GSN: variants seen among roughly 807,000 people sequenced by gnomAD.
GSN encodes the protein actin-depolymerizing factor.
In GSN, 56 loss-of-function variants were observed where a neutral mutation model predicts 85.7. The observed-to-expected ratio is 0.65, with a 90% confidence interval of 0.53 to 0.82. The LOEUF (loss-of-function observed/expected upper bound fraction) is 0.82, where lower values mean the gene tolerates loss of function less well. Among genes scored for constraint, GSN ranks in the 40% least tolerant of loss-of-function variants. GSN has a pLI of 0.00. For synonymous variants in GSN, 373 were observed against 399.1 expected, an observed-to-expected ratio of 0.93 and a Z score of 0.78; for missense variants, 857 against 979.8, an observed-to-expected ratio of 0.87 and a Z score of 1.67.
chr9:121,310,739 A>G lies in GSN; in HGVS notation c.407A>G (p.Gln136Arg). Residue 136 changes from glutamine (Q) to arginine (R), a missense_variant, in exon 5 of 18, where the codon CAG becomes CGG. By Grantham distance (43) the Gln-to-Arg change is conservative (BLOSUM62 1). Transcript: ENST00000432226. The stretch of plus-strand genomic sequence containing the variant: ...GTGGTACCCAACGAGGTGGTGGTGC[A>G]GAGACTCTTCCAGGTCAAAGGGCGG... ...KHVVPNEVVV[Q>R]RLFQVKGRRV... 6.2e-7 allele frequency: 1 copy of G among 1,614,156 alleles called. No individual in the cohort carries two copies. Among genetic ancestry groups the G allele is most frequent in the South Asian group, 1.1e-5 (1 of 91,072 alleles).
rs1306754933 is a variant in GSN at position 121,297,141 on chromosome 9, T to C, written c.-9-4822T>C. ...TGTTTGAATTTTCCAAATTGTCTAA[T>C]GAGCAGGCATCACTATAAGCATATT... On this transcript the variant is annotated intron_variant, in intron 2 of 17. Coordinates refer to ENST00000432226, the MANE Select transcript of GSN (RefSeq NM_198252.3). Among the ~76,000 whole-genome samples, 4 of 152,258 alleles carry C rather than the reference T, an allele frequency of 2.6e-5. No homozygotes were observed. In the East Asian group the frequency reaches 5.8e-4, roughly 22 times the overall value.
At chr9:121,236,714 A>G (rs2054500898) in intron 5 of GSN, among the ~76,000 whole-genome samples, 1 of 152,230 alleles carries the variant, frequency 6.6e-6, no homozygotes, top group African/African-American at 2.4e-5. Flanking sequence ...GCACAACTGC[A>G]TAGAAGACAG....
rs1015674393 is a variant in GSN at position 121,329,208 on chromosome 9, T to A, written c.1888-30T>A. 6.4e-7 allele frequency: 1 copy of A among 1,555,106 alleles called. No individual in the cohort carries two copies. Among genetic ancestry groups the A allele is most frequent in the Admixed American group, 1.7e-5 (1 of 59,964 alleles). On this transcript the variant is annotated intron_variant, in intron 15 of 17. Transcript: ENST00000432226. This position sits in a 1 kb window ranked among gnomAD's most constrained non-coding sequence, Gnocchi z 4.6. ...AAGGCCACCCAGGGGAGGGAAGACA[T>A]CTCACTGATGCTCTTTCGTTCCTTC...
intron 6 of GSN, among the ~76,000 whole-genome samples, chr9:121,250,537 G>A (rs1434872264): frequency 7.0e-6 from 1 of 143,330 alleles, no homozygotes; most frequent in African/African-American, 3.0e-5. Flanking sequence ...CACCTGTTTG[G>A]TGTGTGTGTG....
At chr9:121,315,112 C>T (rs766551908) in intron 7 of GSN, among the ~76,000 whole-genome samples, 7 of 152,184 alleles carry the variant, frequency 4.6e-5, no homozygotes, top group Admixed American at 6.5e-5. Context: ...CTGCCCACCT[C>T]AGCCTCCCAA....
At chr9:121,283,621 A>T (rs909894975) in intron 2 of GSN, 1 of 167,048 alleles carries the variant, frequency 6.0e-6, no homozygotes, top group Non-Finnish European at 1.5e-5. Context: ...TTCCTGCCTC[A>T]GTGTTCCCTA....
chr9:121,295,449 A>G (rs1397549685), intron 2 of GSN, among the ~76,000 whole-genome samples: 7 of 152,186 alleles, frequency 4.6e-5, no homozygotes, highest in Admixed American at 4.6e-4. Flanking sequence ...AGGGCTTTCC[A>G]TGAGTGGCTG....
chr9:121,286,933 A>G (rs2058160876), intron 2 of GSN, among the ~76,000 whole-genome samples: 1 of 152,220 alleles, frequency 6.6e-6, no homozygotes, highest in African/African-American at 2.4e-5. Context: ...ATTCAACAAG[A>G]CAATGCTTAT....
chr9:121,271,803 A>G (rs2056015410), intron 1 of GSN, among the ~76,000 whole-genome samples: 2 of 152,150 alleles, frequency 1.3e-5, no homozygotes, highest in Non-Finnish European at 2.9e-5. Flanking sequence ...TCTCCCCTCC[A>G]TTTCAGGGAA....
rs1460940265 is a variant in GSN, at chr9:121,326,651, C to T, written c.1556C>T (p.Ala519Val). 1.2e-6 allele frequency: 2 copies of T among 1,608,590 alleles called. No homozygotes were observed. The highest frequency in any genetic ancestry group is 1.7e-6 in the Non-Finnish European group (2 of 1,177,354). ...AGCACCCGCCTCTTCCAGGTCCGCG[C>T]CAACAGCGCTGGAGCCACCCGGGCT... ...PASTRLFQVR[A>V]NSAGATRAVE... The change falls in exon 13 of 18, where the codon GCC becomes GTC. Residue 519 changes from alanine to valine, a missense_variant. Ala to Val is a moderately conservative substitution (Grantham distance 64). Transcript: ENST00000432226.
chr9:121,208,560 C>T (rs559121510), intron 1 of GSN, among the ~76,000 whole-genome samples: 44 of 152,290 alleles, frequency 2.9e-4, no homozygotes, highest in Non-Finnish European at 4.7e-4. Context: ...AATCATGCTT[C>T]TATATCATGG....
intron 1 of GSN, among the ~76,000 whole-genome samples, chr9:121,278,960 G>GTTGTGCACGTGCACGTATGTT (rs1225083866): frequency 6.6e-6 from 1 of 152,246 alleles, no homozygotes; most frequent in African/African-American, 2.4e-5. Flanking sequence ...GCACGTATGT[G>GTTGTGCACGTGCACGTATGTT]TTACACACGT....
At chr9:121,316,495 G>A (rs1589109982) in intron 7 of GSN, among the ~76,000 whole-genome samples, 1 of 152,082 alleles carries the variant, frequency 6.6e-6, no homozygotes, top group Middle Eastern at 3.4e-3. Flanking sequence ...TTTTGAGACA[G>A]AGTCTGGCTC....
intron 4 of GSN, chr9:121,231,106 A>C (rs943677352): frequency 6.6e-6 from 1 of 152,202 alleles, no homozygotes; most frequent in Admixed American, 6.5e-5. Flanking sequence ...GGCCAACGAG[A>C]AGCAAAGCTG....
rs2059614998 is a variant in GSN, at chr9:121,299,885, C to T, written c.-9-2078C>T. ...CCATGGCTCCGCACCGCCCCGCGCC[C>T]GCGCTGCTTTGCGCGCTGTCCCTGG... On this transcript the variant is annotated intron_variant, in intron 2 of 17. Transcript: ENST00000432226. The surrounding 1 kb of genome is among the most constrained non-coding windows in gnomAD (Gnocchi z 4.2). 7.6e-7 allele frequency: 1 copy of T among 1,320,992 alleles called. No individual in the cohort carries two copies. The highest frequency in any genetic ancestry group is 9.7e-7 in the Non-Finnish European group (1 of 1,025,880). The allele number at this position is 1,320,992 out of a possible 1,614,324, so 81.8% of individuals were successfully genotyped here. A position where few individuals can be genotyped will look rare whatever the true frequency, so the allele number is the denominator to read the frequency against.
intron 5 of GSN, among the ~76,000 whole-genome samples, chr9:121,236,448 C>G (rs577309641): frequency 2.6e-5 from 4 of 152,016 alleles, no homozygotes; most frequent in Non-Finnish European, 5.9e-5. Flanking sequence ...CTCCTGACCT[C>G]GTGATCTGCC....
upstream of GSN, among the ~76,000 whole-genome samples, chr9:121,264,722 C>T (rs2055162607): frequency 6.6e-6 from 1 of 152,164 alleles, no homozygotes; most frequent in Non-Finnish European, 1.5e-5. Context: ...GAATCCAAGC[C>T]GTTGTCTCTG....
At chr9:121,228,376 C>T (rs1220078081) in intron 4 of GSN, among the ~76,000 whole-genome samples, 3 of 138,670 alleles carry the variant, frequency 2.2e-5, no homozygotes, top group African/African-American at 5.5e-5. Context: ...CACATAGACA[C>T]ATTAAGTATA....
chr9:121,244,645 T>A (rs2054665074), intron 5 of GSN, among the ~76,000 whole-genome samples: 1 of 152,208 alleles, frequency 6.6e-6, no homozygotes, highest in South Asian at 2.1e-4. Flanking sequence ...CCACTGCAGC[T>A]CTATTTGTAA....
Sources: allele counts gnomAD v4.1 joint callset (sites outside exome capture counted in the v4.1 genomes callset), GRCh38; gene constraint gnomAD v4.1.1; non-coding constraint Gnocchi (gnomAD v3.1); transcripts MANE v1.5; gene names NCBI Gene and HGNC (gene_info 2026-07-23, HGNC 2026-07-21).